Variants in KPNA7 observed in about 807,000 individuals in gnomAD.
KPNA7 encodes importin subunit alpha-8.
A neutral mutation model predicts 53.7 loss-of-function variants in KPNA7; 54 were observed. The ratio of observed to expected loss-of-function variants is 1.01; its 90% confidence interval spans 0.81 to 1.26. KPNA7 has a LOEUF of 1.26. Among genes scored for constraint, KPNA7 ranks in the 50% most tolerant of loss-of-function variants. The pLI is 0.00. For synonymous variants in KPNA7, 276 were observed against 259.3 expected (o/e 1.06, Z -0.62); for missense variants, 640 against 644.5 (o/e 0.99, Z 0.07).
intron 3 of KPNA7, among the ~76,000 whole-genome samples, chr7:99,199,212 A>C (rs1241348146): frequency 1.3e-5 from 2 of 152,270 alleles, no homozygotes; most frequent in African/African-American, 4.8e-5. Context: ...TCTCCATGAA[A>C]ATCGGAGCTG....
chr7:99,191,657 T>C (rs1294798724), intron 6 of KPNA7, among the ~76,000 whole-genome samples: 3 of 152,040 alleles, frequency 2.0e-5, no homozygotes, highest in African/African-American at 7.2e-5. Context: ...TCTCCCATCT[T>C]GAAGAGTTTT....
At chr7:99,195,972 T>C in intron 4 of KPNA7, 112 bp downstream of exon 4, 1 of 798,324 alleles carries the variant, frequency 1.3e-6, no homozygotes, top group Admixed American at 2.2e-5. Flanking sequence ...TCCTGTGTTT[T>C]ACGGGCATGT....
downstream of KPNA7, among the ~76,000 whole-genome samples, chr7:99,168,976 T>A (rs1283888018): frequency 6.6e-6 from 1 of 151,936 alleles, no homozygotes; most frequent in African/African-American, 2.4e-5. Context: ...GATCACAAGG[T>A]CAAGAGATTG....
upstream of KPNA7, among the ~76,000 whole-genome samples, chr7:99,210,301 C>T (rs1327285771): frequency 6.6e-6 from 1 of 152,156 alleles, no homozygotes. Context: ...TCTCTGAAAG[C>T]CCTTTTAACT....
Position 99,185,174 on chromosome 7 carries a change from A to G in KPNA7, c.901-12T>C. 1 of 1,530,168 alleles carries G rather than the reference A, an allele frequency of 6.5e-7. No homozygotes were observed. Among genetic ancestry groups the G allele is most frequent in the Non-Finnish European group, 8.9e-7 (1 of 1,127,006 alleles). 94.8% of individuals were successfully genotyped at this position (1,530,168 alleles called of 1,614,324 possible). ...CGGAGAGAAGGAGTCTGGAAGAGCA[A>G]GGCTAGAAGTCTAAGTATTTCAAGT... On this transcript the variant is annotated splice_polypyrimidine_tract_variant and intron_variant, in intron 7 of 10. Coordinates refer to ENST00000327442, the MANE Select transcript of KPNA7 (RefSeq NM_001145715.3).
At chr7:99,161,095 C>T in the KPNA7 span, among the ~76,000 whole-genome samples, 1 of 152,180 alleles carries the variant, frequency 6.6e-6, no homozygotes, top group East Asian at 1.9e-4. Context: ...CTCCTAACCT[C>T]AAGTGACGTG....
chr7:99,163,183 GA>G, the KPNA7 span, among the ~76,000 whole-genome samples: 8 of 141,706 alleles, frequency 5.6e-5, no homozygotes, highest in African/African-American at 7.8e-5. Context: ...CTCTGCCTCA[GA>G]AAAAAAAAAG....
chr7:99,212,679 C>CA (rs1282143441), upstream of KPNA7, among the ~76,000 whole-genome samples: 1 of 151,852 alleles, frequency 6.6e-6, no homozygotes, highest in East Asian at 2.0e-4. Flanking sequence ...AAGCTTGAGG[C>CA]AGGAGTTTGA....
intron 2 of KPNA7, among the ~76,000 whole-genome samples, chr7:99,204,187 T>G (rs753523272): frequency 9.2e-5 from 14 of 151,962 alleles, no homozygotes; most frequent in South Asian, 2.1e-4. Flanking sequence ...TAGACCAGCC[T>G]GGACAACATA....
intron 3 of KPNA7, among the ~76,000 whole-genome samples, chr7:99,202,134 T>C (rs141686990): frequency 4.4e-4 from 67 of 152,230 alleles, no homozygotes; most frequent in Middle Eastern, 3.4e-3. Flanking sequence ...ACACATTTCA[T>C]TGATGAATGG....
Position 99,185,147 on chromosome 7 carries a change from T to G in KPNA7, c.916A>C (p.Thr306Pro). ...ELNVLTPSLRTVGNIVTGTDE... is the reference protein window; with the variant it reads ...ELNVLTPSLRPVGNIVTGTDE... The stretch of plus-strand genomic sequence containing the variant: ...GTGCCCGTGACAATGTTCCCCACGG[T>G]GCGGAGAGAAGGAGTCTGGAAGAGC... The change falls in exon 8 of 11, where the codon ACC becomes CCC. Residue 306 changes from threonine to proline, a missense_variant. Coordinates refer to ENST00000327442, the MANE Select transcript of KPNA7 (RefSeq NM_001145715.3). 6.4e-7 allele frequency: 1 copy of G among 1,551,856 alleles called. No individual in the cohort carries two copies. Among genetic ancestry groups the G allele is most frequent in the Non-Finnish European group, 8.7e-7 (1 of 1,146,898 alleles).
intron 9 of KPNA7, among the ~76,000 whole-genome samples, chr7:99,181,235 CTG>C (rs1439272748): frequency 2.6e-5 from 4 of 151,936 alleles, no homozygotes; most frequent in African/African-American, 9.7e-5. Flanking sequence ...CTGTCTTTCT[CTG>C]TCTCTGTCTC....
At chr7:99,190,393 A>T (rs972770587) in intron 6 of KPNA7, among the ~76,000 whole-genome samples, 1 of 151,928 alleles carries the variant, frequency 6.6e-6, no homozygotes, top group Non-Finnish European at 1.5e-5. Context: ...CTTCTTGGCA[A>T]CTGTGACACC....
chr7:99,194,033 A>G (rs1296477397), intron 5 of KPNA7, among the ~76,000 whole-genome samples: 2 of 152,088 alleles, frequency 1.3e-5, no homozygotes, highest in African/African-American at 4.8e-5. Context: ...TGCTAATTCC[A>G]ATATGTGGAG....
chr7:99,186,934 C>T (rs1286176119), intron 7 of KPNA7, among the ~76,000 whole-genome samples: 1 of 152,106 alleles, frequency 6.6e-6, no homozygotes, highest in Admixed American at 6.6e-5. Context: ...ATAGAGACAT[C>T]TTCAATATAA....
intron 7 of KPNA7, 56 bp downstream of exon 7, chr7:99,188,244 G>A: frequency 1.3e-6 from 2 of 1,510,526 alleles, no homozygotes; most frequent in Non-Finnish European, 1.8e-6. Flanking sequence ...CCCAGAACCT[G>A]CTAAAGTGAC....
At chr7:99,151,711 C>T in the KPNA7 span, among the ~76,000 whole-genome samples, 1 of 151,970 alleles carries the variant, frequency 6.6e-6, no homozygotes, top group Non-Finnish European at 1.5e-5. Flanking sequence ...CCTGCCTCAG[C>T]CTCCCAAAGT....
the KPNA7 span, among the ~76,000 whole-genome samples, chr7:99,165,445 GC>G: frequency 6.6e-5 from 10 of 152,134 alleles, no homozygotes; most frequent in African/African-American, 2.4e-4. Flanking sequence ...CCCTCGAGGA[GC>G]ACCCCACCCT....
chr7:99,181,829 T>A, intron 9 of KPNA7, 54 bp downstream of exon 9: 1 of 1,377,348 alleles, frequency 7.3e-7, no homozygotes. Flanking sequence ...CATTAAATGC[T>A]TGTATCCAGT....
Sources: gnomAD v4.1 joint callset for allele counts (sites outside exome capture counted in the v4.1 genomes callset) on GRCh38, gnomAD v4.1.1 for gene constraint, MANE v1.5 for transcripts, NCBI Gene and HGNC (gene_info 2026-07-23, HGNC 2026-07-21) for gene names.